The following GPT variants were observed in gnomAD, a reference collection of about 807,000 sequenced individuals.
GPT encodes glutamic--pyruvic transaminase.
In GPT, 60 loss-of-function variants were observed where a neutral mutation model predicts 51.4. The observed-to-expected ratio is 1.17, with a 90% CI of 0.95 to 1.45. The LOEUF (loss-of-function observed/expected upper bound fraction) is 1.45. Ranked by LOEUF, GPT falls within the 40% of genes most tolerant of loss-of-function variation. GPT has a pLI of 0.00. For synonymous variants in GPT, 397 were observed against 303.1 expected (o/e 1.31, Z -3.22); for missense variants, 853 against 704.0 (o/e 1.21, Z -2.40).
chr8:144,506,115 A>C lies in GPT; in HGVS notation c.940A>C (p.Lys314Gln). The change falls in exon 7 of 11, where the codon AAG becomes CAG. Residue 314 changes from lysine (K) to glutamine (Q), a missense_variant. Coordinates refer to ENST00000394955, the MANE Select transcript of GPT (RefSeq NM_005309.3). The surrounding 1 kb of genome is among the most constrained non-coding windows in gnomAD (Gnocchi z 7.0). ...QELASFHSTSKGYMGECGFRG... is the reference protein window; with the variant it reads ...QELASFHSTSQGYMGECGFRG... ...GCTTGCCTCCTTCCACTCCACCTCC[A>C]AGGGCTACATGGGCGAGTGCGTGCG... 4 of 1,612,220 alleles carry C rather than the reference A, an allele frequency of 2.5e-6. No homozygotes were observed. Among genetic ancestry groups the C allele is most frequent in the Non-Finnish European group, 2.5e-6 (3 of 1,179,614 alleles).
At position 144,507,100 on chromosome 8, in the gene GPT, G is replaced by A; in HGVS notation, c.*100G>A. 1 of 721,054 alleles carries A rather than the reference G, an allele frequency of 1.4e-6. No homozygotes were observed. The highest frequency in any genetic ancestry group is 2.0e-5 in the Admixed American group (1 of 50,082). 44.7% of individuals were successfully genotyped at this position (721,054 alleles called of 1,614,324 possible). A position where few individuals can be genotyped will look rare whatever the true frequency, so the allele number is the denominator to read the frequency against. On this transcript the variant is annotated 3_prime_UTR_variant, in exon 11 of 11. Coordinates refer to ENST00000394955, the MANE Select transcript of GPT (RefSeq NM_005309.3). ...GTACTTGCTCTTGATGCCTGGCGGGGTGGGGTGGGGGGGGTGCTGGGCCCC... is the reference window on the plus strand; with the variant it reads ...GTACTTGCTCTTGATGCCTGGCGGGATGGGGTGGGGGGGGTGCTGGGCCCC...
In GPT at chr8:144,504,613, A is replaced by C. The variant is rs1411683223; in HGVS notation, c.172A>C (p.Lys58Gln). The C allele has an allele frequency of 1.2e-6, 2 of 1,613,022 alleles. No individual in the cohort carries two copies. Among genetic ancestry groups the C allele is most frequent in the Non-Finnish European group, 1.7e-6 (2 of 1,179,946 alleles). ...TCCCCTCCCCTCCCAGGGTGTGAAG[A>C]AGCCTTTCACCGAGGTCATCCGTGC... ...LEQELRQGVK[K>Q]PFTEVIRANI... Residue 58 changes from lysine to glutamine, a missense_variant, in exon 2 of 11, where the codon AAG (lysine) becomes CAG (glutamine). Transcript: ENST00000394955.
In GPT at chr8:144,504,451, G is replaced by A. The variant is rs1826684808; in HGVS notation, c.147G>A (p.Glu49=). 6.2e-7 allele frequency: 1 copy of A among 1,610,032 alleles called. No homozygotes were observed. The highest frequency in any genetic ancestry group is 1.3e-5 in the African/African-American group (1 of 75,066). The change falls in exon 1 of 11, where the codon GAG becomes GAA. Residue 49 remains glutamate (E), a synonymous_variant. Coordinates refer to ENST00000394955, the MANE Select transcript of GPT (RefSeq NM_005309.3). ...TAGTGCAGCGAGCCTTGGAGCTGGA[G>A]CAGGAGCTGCGCCAGGTATGGCCCA... The part of the protein sequence containing the change: ...GPIVQRALEL[E]QELRQGVKKP...
Position 144,504,233 on chromosome 8 carries a change from C to T in GPT, c.-72C>T. The T allele has an allele frequency of 2.0e-6, 3 of 1,537,964 alleles. No individual in the cohort carries two copies. Among genetic ancestry groups the T allele is most frequent in the Non-Finnish European group, 2.6e-6 (3 of 1,136,456 alleles). On this transcript the variant is annotated 5_prime_UTR_variant, in exon 1 of 11. Coordinates refer to ENST00000394955, the MANE Select transcript of GPT (RefSeq NM_005309.3). ...CCAGCCCTGGCCCACTAAGCCAGAC[C>T]CAGCTGTCGCCATTCCCACTTCTGG...
chr8:144,505,367 AC>A lies in GPT; in HGVS notation c.618del (p.Tyr207ThrfsTer52). 6.3e-7 allele frequency: 1 copy of A among 1,584,382 alleles called. No homozygotes were observed. The highest frequency in any genetic ancestry group is 8.6e-7 in the Non-Finnish European group (1 of 1,166,248). On this transcript the variant is annotated frameshift_variant, in exon 5 of 11. Transcript: ENST00000394955. LOFTEE classifies it high-confidence loss of function. ...GAGCTGGGCGCAGTGCAGGTGGATTACTACCTGGACGAGGAGCGTGCCTGGG... is the reference window on the plus strand; with the variant it reads ...GAGCTGGGCGCAGTGCAGGTGGATTATACCTGGACGAGGAGCGTGCCTGGG... ...LAELGAVQVD[Y>X]YLDEERAWAL...
rs1370834938 is a variant in GPT at position 144,506,597 on chromosome 8, G to A, written c.1228G>A (p.Gly410Ser). The A allele has an allele frequency of 1.3e-6, 2 of 1,568,552 alleles. No individual in the cohort carries two copies. The highest frequency in any genetic ancestry group is 1.7e-6 in the Non-Finnish European group (2 of 1,157,174). Residue 410 changes from glycine (G) to serine (S), a missense_variant, in exon 9 of 11, where the codon GGC (glycine) becomes AGC (serine). By Grantham distance (56) the Gly-to-Ser change is moderately conservative. Coordinates refer to ENST00000394955, the MANE Select transcript of GPT (RefSeq NM_005309.3). This position sits in a 1 kb window ranked among gnomAD's most constrained non-coding sequence, Gnocchi z 7.0. ...TGGCATCAGCTGCAACCCAGTGCAG[G>A]GCGCCATGTACTCCTTCCCGCGCGT... ...APGISCNPVQ[G>S]AMYSFPRVQL... is the part of the protein sequence containing the mutation.
In GPT at chr8:144,504,425, A is replaced by C. The variant is rs1420738594; in HGVS notation, c.121A>C (p.Ile41Leu). Residue 41 changes from isoleucine (I) to leucine (L), a missense_variant, in exon 1 of 11, where the codon ATA becomes CTA. Physicochemically the swap from Ile to Leu is conservative, Grantham distance 5. Coordinates refer to ENST00000394955, the MANE Select transcript of GPT (RefSeq NM_005309.3). ...AGTGGAGTACGCAGTGCGTGGCCCC[A>C]TAGTGCAGCGAGCCTTGGAGCTGGA... ...RRVEYAVRGP[I>L]VQRALELEQE... is the part of the protein sequence containing the mutation. The C allele has an allele frequency of 1.2e-6, 2 of 1,611,224 alleles. No individual in the cohort carries two copies. The highest frequency in any genetic ancestry group is 1.3e-5 in the African/African-American group (1 of 75,068).
rs767835983 is a variant in GPT at position 144,504,658 on chromosome 8, G to A, written c.217G>A (p.Ala73Thr). The A allele has an allele frequency of 9.3e-6, 15 of 1,613,322 alleles. No individual in the cohort carries two copies. In the South Asian group the frequency reaches 1.4e-4, roughly 15 times the overall value. ...VIRANIGDAQ[A>T]MGQRPITFLR... The stretch of plus-strand genomic sequence containing the variant: ...CCGTGCCAACATCGGGGACGCACAG[G>A]CTATGGGGCAGAGGCCCATCACCTT... The change falls in exon 2 of 11, where the codon GCT becomes ACT. Residue 73 changes from alanine to threonine, a missense_variant. Ala to Thr is a moderately conservative substitution (Grantham distance 58). Transcript: ENST00000394955.
Position 144,507,043 on chromosome 8 carries a change from C to T in GPT, c.*43C>T. 1 of 1,355,598 alleles carries T rather than the reference C, an allele frequency of 7.4e-7. No individual in the cohort carries two copies. Among genetic ancestry groups the T allele is most frequent in the Non-Finnish European group, 1.0e-6 (1 of 965,520 alleles). The allele number at this position is 1,355,598 out of a possible 1,614,324, so 84.0% of individuals were successfully genotyped here. The stretch of plus-strand genomic sequence containing the variant: ...AGGCTGGGTCGCCCTGGACTGTGTG[C>T]TCAGGAGCCCTGGGAGGCTCTGGAG... On this transcript the variant is annotated 3_prime_UTR_variant, in exon 11 of 11. Coordinates refer to ENST00000394955, the MANE Select transcript of GPT (RefSeq NM_005309.3).
chr8:144,503,705 G>A (rs1244316234), upstream of GPT: 1 of 153,088 alleles, frequency 6.5e-6, no homozygotes, highest in African/African-American at 2.5e-5. Context: ...GCCTGGCTCA[G>A]TTAATAGGAG....
At position 144,506,425 on chromosome 8, in the gene GPT, G is replaced by T. The variant is rs201688778; in HGVS notation, c.1131+19G>T. ...CCAGGCTGTGAGTTGGGGGCAGGAG[G>T]GGGTCCAGGTGACCTAATCAGGGGT... On this transcript the variant is annotated intron_variant, in intron 8 of 10. Transcript: ENST00000394955. The surrounding 1 kb of genome is among the most constrained non-coding windows in gnomAD (Gnocchi z 7.0). The T allele has an allele frequency of 1.3e-6, 2 of 1,562,144 alleles. No individual in the cohort carries two copies. The highest frequency in any genetic ancestry group is 1.4e-5 in the African/African-American group (1 of 74,042).
In GPT at chr8:144,506,394, G is replaced by A. The variant is rs1326376717; in HGVS notation, c.1119G>A (p.Ala373=). The A allele has an allele frequency of 2.6e-6, 4 of 1,558,844 alleles. No homozygotes were observed. Among genetic ancestry groups the A allele is most frequent in the East Asian group, 4.7e-5 (2 of 42,166 alleles). Residue 373 remains alanine, a synonymous_variant, in exon 8 of 11, where the codon GCG becomes GCA. Transcript: ENST00000394955. This position sits in a 1 kb window ranked among gnomAD's most constrained non-coding sequence, Gnocchi z 7.0. ...CCGCGCCCACCGACCCCTCCTTTGC[G>A]CAGTTCCAGGCTGTGAGTTGGGGGC... is the stretch of plus-strand genomic sequence containing the variant. The part of the protein sequence containing the change: ...SPPAPTDPSF[A]QFQAEKQAVL...
In GPT at chr8:144,506,671, G is replaced by A. The variant is rs756626466; in HGVS notation, c.1287+15G>A. 6.4e-7 allele frequency: 1 copy of A among 1,566,230 alleles called. No individual in the cohort carries two copies. The highest frequency in any genetic ancestry group is 1.2e-5 in the South Asian group (1 of 85,982). On this transcript the variant is annotated intron_variant, in intron 9 of 10. Transcript: ENST00000394955. The surrounding 1 kb of genome is among the most constrained non-coding windows in gnomAD (Gnocchi z 7.0). The stretch of plus-strand genomic sequence containing the variant: ...AGCGCGCTCAGGTCAGGCGGGGGCG[G>A]GGCCTGCGGGGTGGGCAGGGGGGGC...
chr8:144,503,696 C>T (rs1826644678), upstream of GPT: 1 of 152,898 alleles, frequency 6.5e-6, no homozygotes, highest in Non-Finnish European at 1.5e-5. Flanking sequence ...ATTCCTGAGG[C>T]CTGGCTCAGT....
chr8:144,503,966 C>CA, upstream of GPT: 1 of 417,944 alleles, frequency 2.4e-6, no homozygotes, highest in Admixed American at 3.6e-5. Flanking sequence ...ACCTACCCCC[C>CA]ATGTGGGTCT....
At chr8:144,505,741 G>A (rs1826765755) in intron 5 of GPT, 107 bp from the exon 6 acceptor site, 7 of 536,990 alleles carry the variant, frequency 1.3e-5, no homozygotes, top group Non-Finnish European at 2.2e-5. Context: ...CCGCACCCAC[G>A]TGCGCCCTGG....
Position 144,504,362 on chromosome 8 carries a change from G to T in GPT, c.58G>T (p.Val20Leu). The change falls in exon 1 of 11, where the codon GTG (valine) becomes TTG (leucine). Residue 20 changes from valine (V) to leucine (L), a missense_variant. By Grantham distance (32) the Val-to-Leu change is conservative. Coordinates refer to ENST00000394955, the MANE Select transcript of GPT (RefSeq NM_005309.3). Reference protein sequence around the residue: ...QAVRHGLRAKVLTLDGMNPRV... With the variant: ...QAVRHGLRAKLLTLDGMNPRV... The stretch of plus-strand genomic sequence containing the variant: ...GGTGAGGCATGGACTGAGGGCGAAG[G>T]TGCTGACGCTGGACGGCATGAACCC... 1 of 1,611,446 alleles carries T rather than the reference G, an allele frequency of 6.2e-7. No individual in the cohort carries two copies.
Position 144,504,346 on chromosome 8 carries a change from T to C in GPT, c.42T>C (p.His14=), listed in dbSNP as rs1018001943. Residue 14 remains histidine (H), a synonymous_variant, in exon 1 of 11, where the codon CAT becomes CAC. Coordinates refer to ENST00000394955, the MANE Select transcript of GPT (RefSeq NM_005309.3). ...GTGACCGGAGCCAGGCGGTGAGGCA[T>C]GGACTGAGGGCGAAGGTGCTGACGC... The part of the protein sequence containing the change: ...STGDRSQAVR[H]GLRAKVLTLD... 6.2e-7 allele frequency: 1 copy of C among 1,610,932 alleles called. No individual in the cohort carries two copies. Among genetic ancestry groups the C allele is most frequent in the Admixed American group, 1.7e-5 (1 of 60,006 alleles).
chr8:144,506,439 C>T lies in GPT; in HGVS notation c.1131+33C>T, dbSNP rs1826812159. ...GGGGGCAGGAGGGGGTCCAGGTGAC[C>T]TAATCAGGGGTGGGGGATGCCGAGT... On this transcript the variant is annotated intron_variant, in intron 8 of 10. Transcript: ENST00000394955. This position sits in a 1 kb window ranked among gnomAD's most constrained non-coding sequence, Gnocchi z 7.0. The T allele has an allele frequency of 1.3e-6, 2 of 1,566,576 alleles. No individual in the cohort carries two copies. Among genetic ancestry groups the T allele is most frequent in the African/African-American group, 2.7e-5 (2 of 74,172 alleles).
Sources: allele counts gnomAD v4.1 joint callset, GRCh38; gene constraint gnomAD v4.1.1; non-coding constraint Gnocchi (gnomAD v3.1); transcripts MANE v1.5; gene names NCBI Gene and HGNC (gene_info 2026-07-23, HGNC 2026-07-21).